Variants in SPG11 observed in about 807,000 individuals in gnomAD.
The protein encoded by SPG11 is SPG11 vesicle trafficking associated, spatacsin, also known as spatacsin.
A neutral mutation model predicts 274.0 loss-of-function variants in SPG11; 222 were observed. That is an observed-to-expected ratio of 0.81 (90% CI 0.73 to 0.91). The LOEUF (loss-of-function observed/expected upper bound fraction) is 0.91, where lower values mean the gene tolerates loss of function less well. Among genes scored for constraint, SPG11 ranks in the 40% least tolerant of loss-of-function variants. The pLI is 0.00. For synonymous variants in SPG11, 1,144 were observed against 1,039.7 expected, an observed-to-expected ratio of 1.10 and a Z score of -1.93; for missense variants, 3,114 against 2,872.7, an observed-to-expected ratio of 1.08 and a Z score of -1.92.
At chr15:44,597,403 T>TAG (rs1230491302) in intron 23 of SPG11, among the ~76,000 whole-genome samples, 2 of 152,146 alleles carry the variant, frequency 1.3e-5, no homozygotes, top group Non-Finnish European at 2.9e-5. Context: ...TGAGCCACTG[T>TAG]GCCTGGCCAA....
chr15:44,574,256 G>A (rs1421551258), intron 31 of SPG11, among the ~76,000 whole-genome samples: 3 of 152,094 alleles, frequency 2.0e-5, no homozygotes, highest in Non-Finnish European at 4.4e-5. Flanking sequence ...CACCCGCCTC[G>A]GCCTCCCGAA....
chr15:44,652,353 A>C, intron 4 of SPG11, 87 bp from the exon 5 acceptor site: 1 of 1,399,474 alleles, frequency 7.1e-7, no homozygotes, highest in Non-Finnish European at 1.0e-6. Context: ...AAAATAAGAG[A>C]TTACAGAGAA....
At chr15:44,646,400 G>A (rs1012073221) in intron 7 of SPG11, among the ~76,000 whole-genome samples, 10 of 152,124 alleles carry the variant, frequency 6.6e-5, no homozygotes, top group Non-Finnish European at 1.5e-5. Context: ...GGGAAGCAAG[G>A]CATGCCTTAC....
At chr15:44,634,103 T>G (rs1430136972) in intron 7 of SPG11, among the ~76,000 whole-genome samples, 1 of 152,124 alleles carries the variant, frequency 6.6e-6, no homozygotes, top group Non-Finnish European at 1.5e-5. Context: ...CCTCCCAAAG[T>G]GCTGGGATTA....
intron 14 of SPG11, chr15:44,621,451 T>C (rs564902181): frequency 1.6e-5 from 6 of 364,166 alleles, no homozygotes; most frequent in African/African-American, 4.2e-5. Context: ...TCAGATGGCA[T>C]AGATCCCCAA....
intron 7 of SPG11, among the ~76,000 whole-genome samples, chr15:44,636,637 G>A (rs1359854411): frequency 6.6e-6 from 1 of 151,864 alleles, no homozygotes; most frequent in African/African-American, 2.4e-5. Flanking sequence ...ACTCCAGCCT[G>A]GGCAACAGAG....
At position 44,563,269 on chromosome 15, in the gene SPG11, A is replaced by G. The variant is rs754598618; in HGVS notation, c.7184T>C (p.Met2395Thr). Reference protein sequence around the residue: ...YKQHQPTDMVMENLKKLLTYC... With the variant: ...YKQHQPTDMVTENLKKLLTYC... ...TGTGAGTAATTTCTTCAGGTTTTCC[A>G]TGACCATGTCAGTAGGCTGATGTTG... The change falls in exon 40 of 40, where the codon ATG becomes ACG. Residue 2395 changes from methionine (M) to threonine (T), a missense_variant. Met to Thr is a moderately conservative substitution (Grantham distance 81). Coordinates refer to ENST00000261866, the MANE Select transcript of SPG11 (RefSeq NM_025137.4). 11 of 1,613,834 alleles carry G rather than the reference A, an allele frequency of 6.8e-6. 1 individual carries two copies. The highest frequency in any genetic ancestry group is 3.3e-4 in the Middle Eastern group (2 of 6,052).
chr15:44,603,053 ATT>A (rs988355401), intron 20 of SPG11, among the ~76,000 whole-genome samples: 37 of 131,206 alleles, frequency 2.8e-4, no homozygotes, highest in Non-Finnish European at 2.6e-4. Context: ...CCAACAGGCA[ATT>A]TTTTTTTTTT....
rs751415009 is a variant in SPG11 at position 44,584,059 on chromosome 15, T to A, written c.5621A>T (p.Glu1874Val). The A allele has an allele frequency of 1.2e-6, 2 of 1,614,236 alleles. No homozygotes were observed. The highest frequency in any genetic ancestry group is 1.7e-6 in the Non-Finnish European group (2 of 1,180,036). ...ETCENRLDWK[E>V]QESLNFLIGR... ...AATCAAAAAGTTTAGTGACTCCTGC[T>A]CTTTCCAATCCAATCTATTCTCGCA... The change falls in exon 30 of 40, where the codon GAG (glutamate) becomes GTG (valine). Residue 1874 changes from glutamate to valine, a missense_variant. Physicochemically the swap from Glu to Val is moderately radical, Grantham distance 121. Transcript: ENST00000261866.
chr15:44,574,383 A>C (rs1000340186), intron 31 of SPG11, among the ~76,000 whole-genome samples: 1 of 152,110 alleles, frequency 6.6e-6, no homozygotes, highest in Non-Finnish European at 1.5e-5. Flanking sequence ...CAGCAGCAAA[A>C]CCCTCAATTT....
chr15:44,652,799 T>C lies in SPG11; in HGVS notation c.870-533A>G, dbSNP rs926629274. 4.6e-5 allele frequency among the ~76,000 whole-genome samples: 7 copies of C among 151,986 alleles called. No homozygotes were observed. The East Asian group carries it at 1.2e-3, about 25-fold the overall frequency. ...CCTCCCGAGTAGCTGGGACTGCAGGTGCATGCCACCATGCCTGGCTAATTT... is the reference window on the plus strand; with the variant it reads ...CCTCCCGAGTAGCTGGGACTGCAGGCGCATGCCACCATGCCTGGCTAATTT... On this transcript the variant is annotated intron_variant, in intron 4 of 39. Coordinates refer to ENST00000261866, the MANE Select transcript of SPG11 (RefSeq NM_025137.4).
rs778704646 is a variant in SPG11, at chr15:44,589,241, G to C, written c.4906+11C>G. 4 of 1,613,058 alleles carry C rather than the reference G, an allele frequency of 2.5e-6. No individual in the cohort carries two copies. Among genetic ancestry groups the C allele is most frequent in the Admixed American group, 3.3e-5 (2 of 59,998 alleles). On this transcript the variant is annotated intron_variant, in intron 28 of 39. Transcript: ENST00000261866. Reference sequence around the variant, plus strand: ...TTCTTAATAGCAACTTAACTGTAAGGATTGTCTTACCATCAGAGAAGAGAT... The same window carrying C: ...TTCTTAATAGCAACTTAACTGTAAGCATTGTCTTACCATCAGAGAAGAGAT...
chr15:44,614,653 G>C (rs1278587645), intron 16 of SPG11, among the ~76,000 whole-genome samples: 1 of 152,212 alleles, frequency 6.6e-6, no homozygotes, highest in Non-Finnish European at 1.5e-5. Context: ...TGTGCCTTAA[G>C]TAACATACTT....
chr15:44,609,041 C>T (rs574858517), intron 18 of SPG11, among the ~76,000 whole-genome samples: 16 of 152,186 alleles, frequency 1.1e-4, no homozygotes, highest in Non-Finnish European at 1.8e-4. Context: ...ATTAAATAGT[C>T]GTGTTTTAAG....
At chr15:44,609,060 C>T (rs1425313816) in intron 18 of SPG11, among the ~76,000 whole-genome samples, 1 of 152,048 alleles carries the variant, frequency 6.6e-6, no homozygotes, top group Non-Finnish European at 1.5e-5. Context: ...AGGTATACTG[C>T]AACAATCTAA....
intron 7 of SPG11, among the ~76,000 whole-genome samples, chr15:44,636,958 C>CAAAAAA (rs1328250311): frequency 4.5e-5 from 4 of 89,102 alleles, no homozygotes; most frequent in South Asian, 7.1e-4. Context: ...AAAAAAAAAA[C>CAAAAAA]AAAAAAAAAA....
intron 20 of SPG11, chr15:44,604,076 C>A: frequency 2.5e-6 from 1 of 401,566 alleles, no homozygotes; most frequent in Non-Finnish European, 4.9e-6. Flanking sequence ...TGATCTGGTT[C>A]CAGAAACTAG....
intron 16 of SPG11, 78 bp from the exon 17 acceptor site, chr15:44,613,614 G>T (rs2083517994): frequency 1.2e-6 from 1 of 868,804 alleles, no homozygotes; most frequent in Non-Finnish European, 1.9e-6. Context: ...CTCAGGCGAT[G>T]ATTAGCATTT....
chr15:44,598,419 A>G, intron 22 of SPG11, 46 bp from the exon 23 acceptor site: 1 of 1,551,328 alleles, frequency 6.4e-7, no homozygotes, highest in South Asian at 1.1e-5. Context: ...GAAAAAGTCA[A>G]AACCTGAGCA....
Sources: allele counts gnomAD v4.1 joint callset (sites outside exome capture counted in the v4.1 genomes callset), GRCh38; gene constraint gnomAD v4.1.1; transcripts MANE v1.5; gene names NCBI Gene and HGNC (gene_info 2026-07-23, HGNC 2026-07-21).